Variants in MICALL2 observed in about 807,000 individuals in gnomAD.
MICALL2 encodes the protein MICAL like 2, also known as MICAL-like protein 2.
MICALL2 carries 111 observed loss-of-function variants against 91.1 expected under a neutral mutation model. The observed-to-expected ratio is 1.22, with a 90% CI of 1.04 to 1.43. The LOEUF is 1.43. MICALL2 is among the 40% of genes most tolerant of loss of function. MICALL2 has a pLI of 0.00. For missense variants in MICALL2, 1,556 were observed against 1,236.0 expected, an observed-to-expected ratio of 1.26 and a Z score of -3.88; for synonymous variants, 694 against 525.3, an observed-to-expected ratio of 1.32 and a Z score of -4.39.
intron 15 of MICALL2, 91 bp downstream of exon 15, chr7:1,436,651 A>G: frequency 1.1e-6 from 1 of 910,590 alleles, no homozygotes; most frequent in Non-Finnish European, 1.6e-6. Flanking sequence ...CTGGTCAGAA[A>G]GTTCTACGGG....
chr7:1,456,801 T>C lies in MICALL2; in HGVS notation c.143+2383A>G, dbSNP rs547710615. ...TAAAAGCAAAGGGCCCAGGCACCCA[T>C]ACAAGCGCATGTCCCCACACCCTGG... is the stretch of plus-strand genomic sequence containing the variant. On this transcript the variant is annotated intron_variant, in intron 1 of 16. Transcript: ENST00000297508. 9.1e-4 allele frequency among the ~76,000 whole-genome samples: 139 copies of C among 151,974 alleles called. 1 individual carries two copies. The highest frequency in any genetic ancestry group is 8.3e-3 in the Admixed American group (127 of 15,250).
At chr7:1,439,724 C>CA (rs756157302) in intron 9 of MICALL2, 1 of 446,140 alleles carries the variant, frequency 2.2e-6, no homozygotes, top group Non-Finnish European at 3.9e-6. Flanking sequence ...GCATCACATA[C>CA]ATGAACACAT....
intron 15 of MICALL2, among the ~76,000 whole-genome samples, chr7:1,436,009 G>A (rs1205745961): frequency 5.9e-5 from 5 of 84,780 alleles, no homozygotes; most frequent in South Asian, 5.8e-4. Context: ...CCGAGATTGC[G>A]GCCACTGCAC....
Position 1,442,241 on chromosome 7 carries a change from C to A in MICALL2, c.1662G>T (p.Pro554=), listed in dbSNP as rs781413480. The part of the protein sequence containing the change: ...GVGRVGAGSR[P]KPEAPMAKGK... ...CCTTTGCCATCGGGGCCTCTGGCTTCGGCCTGGAGCCAGCACCCACCCTGC... is the reference window on the plus strand; with the variant it reads ...CCTTTGCCATCGGGGCCTCTGGCTTAGGCCTGGAGCCAGCACCCACCCTGC... Residue 554 remains proline (P), a synonymous_variant, in exon 7 of 17, where the codon CCG becomes CCT. Transcript: ENST00000297508. 1 of 1,612,696 alleles carries A rather than the reference C, an allele frequency of 6.2e-7. No homozygotes were observed. The highest frequency in any genetic ancestry group is 8.5e-7 in the Non-Finnish European group (1 of 1,179,926).
chr7:1,446,139 G>A (rs999968622), intron 5 of MICALL2, among the ~76,000 whole-genome samples: 1 of 118,698 alleles, frequency 8.4e-6, no homozygotes. Flanking sequence ...GCAACAGAGC[G>A]GGGGGTGGGG....
At chr7:1,434,981 A>AACCCCCC in intron 16 of MICALL2, 120 bp downstream of exon 16, 4 of 372,298 alleles carry the variant, frequency 1.1e-5, no homozygotes, top group African/African-American at 3.4e-5. Context: ...GGGACCCGAT[A>AACCCCCC]CCCGCCCCCC....
At chr7:1,442,630 AC>A in intron 6 of MICALL2, 146 bp from the exon 7 acceptor site, 1 of 700,326 alleles carries the variant, frequency 1.4e-6, no homozygotes, top group Non-Finnish European at 2.2e-6. Flanking sequence ...GCCACCCTCC[AC>A]CTCCCCCACC....
At chr7:1,458,781 G>A (rs1175553524) in intron 1 of MICALL2, among the ~76,000 whole-genome samples, 1 of 152,224 alleles carries the variant, frequency 6.6e-6, no homozygotes. Context: ...GCCTGAACAG[G>A]CTGGGGGAGG....
In MICALL2 at chr7:1,454,194, G is replaced by C. The variant is rs530834819; in HGVS notation, c.144-3906C>G. On this transcript the variant is annotated intron_variant, in intron 1 of 16. Transcript: ENST00000297508. Reference sequence around the variant, plus strand: ...GGAGGGCGGGGGGGTGCAGGACTTGGAAGGGAAGGAGCCCCAGCCGAGGCA... The same window carrying C: ...GGAGGGCGGGGGGGTGCAGGACTTGCAAGGGAAGGAGCCCCAGCCGAGGCA... Among the ~76,000 whole-genome samples, 59 of 152,234 alleles carry C rather than the reference G, an allele frequency of 3.9e-4. 1 individual carries two copies. In the East Asian group the frequency reaches 9.1e-3, roughly 23 times the overall value.
intron 6 of MICALL2, among the ~76,000 whole-genome samples, chr7:1,442,844 C>A (rs1224724645): frequency 2.0e-5 from 3 of 152,190 alleles, no homozygotes; most frequent in African/African-American, 4.8e-5. Flanking sequence ...CCTAAACACA[C>A]CACCCACCCA....
chr7:1,447,679 G>C lies in MICALL2; in HGVS notation c.421C>G (p.Leu141Val). Residue 141 changes from leucine to valine, a missense_variant, in exon 4 of 17, where the codon CTG becomes GTG. Transcript: ENST00000297508. ...GKKAPVQAAK[L>V]PSPAPARKPP... ...TTCCGGGCTGGGGCGGGCGAGGGCA[G>C]CTTGGCCGCCTGGACTGGAGCCTTC... 1 of 1,584,208 alleles carries C rather than the reference G, an allele frequency of 6.3e-7. No homozygotes were observed. The highest frequency in any genetic ancestry group is 1.2e-5 in the South Asian group (1 of 86,766).
At chr7:1,439,041 C>A in intron 9 of MICALL2, 46 bp from the exon 10 acceptor site, 1 of 1,454,288 alleles carries the variant, frequency 6.9e-7, no homozygotes. Context: ...AGCAGGGCCA[C>A]TGGGAGCCTG....
intron 14 of MICALL2, chr7:1,437,114 G>C (rs1562445475): frequency 2.1e-6 from 1 of 481,660 alleles, no homozygotes; most frequent in African/African-American, 2.0e-5. Context: ...CTGAGGCTCA[G>C]GGCGTCGCTG....
chr7:1,456,808 G>A (rs890923565), intron 1 of MICALL2, among the ~76,000 whole-genome samples: 9 of 151,998 alleles, frequency 5.9e-5, no homozygotes, highest in Non-Finnish European at 8.8e-5. Flanking sequence ...CCATACAAGC[G>A]CATGTCCCCA....
rs762720217 is a variant in MICALL2, at chr7:1,445,230, G to A, written c.840C>T (p.Asn280=). The change falls in exon 6 of 17, where the codon AAC becomes AAT. Residue 280 remains asparagine (N), a synonymous_variant. Coordinates refer to ENST00000297508, the MANE Select transcript of MICALL2 (RefSeq NM_182924.4). ...GCTCCCAGGCCGACGGTCTGGCCTT[G>A]TTTGCCTCCTGGGCCTTCTGTGGGG... The part of the protein sequence containing the change: ...SCSPQKAQEA[N]KARPSAWEPA... The A allele has an allele frequency of 7.4e-6, 12 of 1,611,268 alleles. No homozygotes were observed. Among genetic ancestry groups the A allele is most frequent in the African/African-American group, 1.3e-5 (1 of 74,906 alleles).
intron 16 of MICALL2, 155 bp downstream of exon 16, chr7:1,434,946 C>G (rs941979342): frequency 3.5e-6 from 3 of 867,928 alleles, no homozygotes; most frequent in Admixed American, 4.3e-5. Context: ...GTGAACCTGC[C>G]TGTCCTGTCA....
chr7:1,438,496 T>A (rs1045678750), intron 10 of MICALL2, 143 bp from the exon 11 acceptor site: 89 of 1,456,546 alleles, frequency 6.1e-5, no homozygotes, highest in Non-Finnish European at 8.0e-5. Context: ...CCCACTGGAC[T>A]GCCCTGACCC....
chr7:1,441,449 G>C (rs1045404539), intron 7 of MICALL2: 1 of 153,184 alleles, frequency 6.5e-6, no homozygotes, highest in East Asian at 1.9e-4. Flanking sequence ...GCTAACCCCT[G>C]GTGGGTGACA....
At chr7:1,443,644 C>T (rs1291540820) in intron 6 of MICALL2, among the ~76,000 whole-genome samples, 2 of 152,014 alleles carry the variant, frequency 1.3e-5, no homozygotes, top group African/African-American at 4.8e-5. Flanking sequence ...AGAAGACAGA[C>T]AGAGAGAAGG....
Sources: gnomAD v4.1 joint callset for allele counts (sites outside exome capture counted in the v4.1 genomes callset) on GRCh38, gnomAD v4.1.1 for gene constraint, MANE v1.5 for transcripts, NCBI Gene and HGNC (gene_info 2026-07-23, HGNC 2026-07-21) for gene names.